The following RABL6 variants were observed in gnomAD, a reference collection of about 807,000 sequenced individuals.
RABL6 encodes rab-like protein 6.
In RABL6, 28 loss-of-function variants were observed where a neutral mutation model predicts 72.9. The ratio of observed to expected loss-of-function variants is 0.38; its 90% confidence interval spans 0.28 to 0.53. The LOEUF is 0.53. Among genes scored for constraint, RABL6 ranks in the 20% least tolerant of loss-of-function variants. RABL6 has a pLI of 0.80. For synonymous variants in RABL6, 477 were observed against 421.2 expected, an observed-to-expected ratio of 1.13 and a Z score of -1.62; for missense variants, 1,029 against 1,008.4, an observed-to-expected ratio of 1.02 and a Z score of -0.28.
intron 1 of RABL6, among the ~76,000 whole-genome samples, chr9:136,810,225 C>T (rs1288522679): frequency 6.6e-6 from 1 of 152,146 alleles, no homozygotes; most frequent in Non-Finnish European, 1.5e-5. Flanking sequence ...AAACTGTTCA[C>T]CTTCTGAAAA....
chr9:136,834,347 G>A lies in RABL6; in HGVS notation c.706-1395G>A, dbSNP rs74767748. The A allele has an allele frequency of 3.6e-3, 3,567 of 999,330 alleles. 79 individuals are homozygous for A. In the South Asian group the frequency reaches 0.047, roughly 13 times the overall value. 61.9% of individuals were successfully genotyped at this position (999,330 alleles called of 1,614,324 possible). The stretch of plus-strand genomic sequence containing the variant: ...ATAAAATTCCCAAAGAGTTCTTCCA[G>A]TCGTCAGATATTTGGTCAGTATTCA... On this transcript the variant is annotated intron_variant, in intron 7 of 14. Transcript: ENST00000311502.
chr9:136,828,403 G>A, intron 3 of RABL6, 91 bp from the exon 4 acceptor site: 1 of 1,331,032 alleles, frequency 7.5e-7, no homozygotes, highest in Non-Finnish European at 1.1e-6. Context: ...CGCTGGAGCT[G>A]GGGGCTGAGT....
intron 7 of RABL6, chr9:136,834,045 G>A (rs1426563414): frequency 2.7e-6 from 4 of 1,458,748 alleles, no homozygotes; most frequent in Non-Finnish European, 3.6e-6. Flanking sequence ...GTAGGGCTGA[G>A]CTGTGTGTGA....
intron 1 of RABL6, chr9:136,815,456 A>C (rs1588348516): frequency 3.8e-6 from 1 of 265,972 alleles, no homozygotes; most frequent in South Asian, 4.5e-5. Flanking sequence ...CCTCATCTTC[A>C]CTTCCTCCTT....
intron 1 of RABL6, chr9:136,822,147 CGGG>C: frequency 8.3e-7 from 1 of 1,210,962 alleles, no homozygotes. Flanking sequence ...GCTTCGAGGC[CGGG>C]CGCCCTCTGC....
intron 1 of RABL6, among the ~76,000 whole-genome samples, chr9:136,811,750 C>T (rs1203484070): frequency 6.6e-6 from 1 of 152,168 alleles, no homozygotes; most frequent in African/African-American, 2.4e-5. Flanking sequence ...CCTTGGCCTC[C>T]CAAAGTGCTG....
In RABL6 at chr9:136,840,457, G is replaced by T; in HGVS notation, c.2125G>T (p.Ala709Ser). 6.5e-7 allele frequency: 1 copy of T among 1,541,234 alleles called. No homozygotes were observed. Among genetic ancestry groups the T allele is most frequent in the Non-Finnish European group, 8.7e-7 (1 of 1,143,688 alleles). The stretch of plus-strand genomic sequence containing the variant: ...GAGGACGGCTGCCGATGAGCTGGAG[G>T]CTTTCCTGGGGGGCGGGGCCCCGGG... Reference protein sequence around the residue: ...RERTAADELEAFLGGGAPGGR... With the variant: ...RERTAADELESFLGGGAPGGR... The change falls in exon 15 of 15, where the codon GCT becomes TCT. Residue 709 changes from alanine (A) to serine (S), a missense_variant. Ala to Ser is a moderately conservative substitution (Grantham distance 99). This residue lies in a region of RABL6 where 595 missense variants were observed against 472.4 expected (regional missense o/e 1.26). Transcript: ENST00000311502.
rs748117854 is a variant in RABL6, at chr9:136,839,706, G to A, written c.1771G>A (p.Val591Met). 73 of 1,586,998 alleles carry A rather than the reference G, an allele frequency of 4.6e-5. No homozygotes were observed. Among genetic ancestry groups the A allele is most frequent in the East Asian group, 1.3e-4 (6 of 44,488 alleles). The change falls in exon 13 of 15, where the codon GTG (valine) becomes ATG (methionine). Residue 591 changes from valine to methionine, a missense_variant. Around this residue, in one of 2 missense-constraint regions of RABL6, gnomAD observed 595 missense variants for 472.4 expected, o/e 1.26. Coordinates refer to ENST00000311502, the MANE Select transcript of RABL6 (RefSeq NM_024718.5). ...DTQRRADDFP[V>M]RDDPSDVTDE... ...CTCCCTGCTCCAGGATGACTTTCCCGTGCGAGATGACCCCTCCGATGTGAC... is the reference window on the plus strand; with the variant it reads ...CTCCCTGCTCCAGGATGACTTTCCCATGCGAGATGACCCCTCCGATGTGAC...
intron 5 of RABL6, among the ~76,000 whole-genome samples, chr9:136,830,254 C>T (rs1213385214): frequency 1.3e-5 from 2 of 152,228 alleles, no homozygotes; most frequent in African/African-American, 4.8e-5. Flanking sequence ...CAGGGTTAAG[C>T]GTACCGCCTG....
intron 7 of RABL6, chr9:136,835,224 G>C (rs1277441831): frequency 6.6e-6 from 1 of 152,340 alleles, no homozygotes; most frequent in African/African-American, 2.4e-5. Context: ...TATTTCATTT[G>C]AATCTAAAGT....
chr9:136,835,888 G>T, intron 8 of RABL6, 43 bp downstream of exon 8: 1 of 1,525,594 alleles, frequency 6.6e-7, no homozygotes, highest in Non-Finnish European at 8.9e-7. Flanking sequence ...TGGGGGCTGC[G>T]GGCGTGGCCG....
chr9:136,840,293 C>T, intron 14 of RABL6, 29 bp from the exon 15 acceptor site: 2 of 1,606,474 alleles, frequency 1.2e-6, no homozygotes, highest in Non-Finnish European at 1.7e-6. Context: ...TCCTGTGACT[C>T]CATGGCGCCC....
intron 1 of RABL6, among the ~76,000 whole-genome samples, chr9:136,816,249 T>G (rs558968233): frequency 6.6e-6 from 1 of 152,016 alleles, no homozygotes; most frequent in African/African-American, 2.4e-5. Context: ...GGACTACAGG[T>G]GCACGCCACC....
rs759347329 is a variant in RABL6 at position 136,835,827 on chromosome 9, A to C, written c.791A>C (p.Glu264Ala). ...LEELSVQQET[E>A]DQNYGIFLEM... The stretch of plus-strand genomic sequence containing the variant: ...GAGCTGTCGGTGCAGCAGGAGACGG[A>C]GGACCAGAACTACGGCATGTATGTG... The change falls in exon 8 of 15, where the codon GAG becomes GCG. Residue 264 changes from glutamate (E) to alanine (A), a missense_variant. By Grantham distance (107) the Glu-to-Ala change is moderately radical (BLOSUM62 -1). Coordinates refer to ENST00000311502, the MANE Select transcript of RABL6 (RefSeq NM_024718.5). 9.6e-6 allele frequency: 15 copies of C among 1,554,942 alleles called. No individual in the cohort carries two copies. The South Asian group carries it at 1.7e-4, about 17-fold the overall frequency.
intron 1 of RABL6, 84 bp from the exon 2 acceptor site, chr9:136,823,441 G>A (rs1046372407): frequency 2.0e-5 from 30 of 1,536,942 alleles, no homozygotes; most frequent in African/African-American, 4.1e-5. Flanking sequence ...CAGCAGAACC[G>A]GCTCTCCTTG....
At chr9:136,812,115 C>G (rs1050443895) in intron 1 of RABL6, among the ~76,000 whole-genome samples, 3 of 152,194 alleles carry the variant, frequency 2.0e-5, no homozygotes, top group Non-Finnish European at 4.4e-5. Flanking sequence ...TCTACTGTGA[C>G]TGGACACAAA....
rs1332432731 is a variant in RABL6, at chr9:136,807,993, G to A, written c.-204G>A. 2.0e-6 allele frequency: 2 copies of A among 1,012,192 alleles called. No homozygotes were observed. Among genetic ancestry groups the A allele is most frequent in the Non-Finnish European group, 2.4e-6 (2 of 848,988 alleles). 62.7% of individuals were successfully genotyped at this position (1,012,192 alleles called of 1,614,324 possible). The stretch of plus-strand genomic sequence containing the variant: ...GGAGAGCGGTCGCGCCGGAGGCCGC[G>A]GGGGCCGGAGCGGAGCAGCCGCGGC... On this transcript the variant is annotated 5_prime_UTR_variant, in exon 1 of 15. Coordinates refer to ENST00000311502, the MANE Select transcript of RABL6 (RefSeq NM_024718.5).
At chr9:136,822,854 C>T (rs1050102069) in intron 1 of RABL6, among the ~76,000 whole-genome samples, 19 of 152,126 alleles carry the variant, frequency 1.2e-4, no homozygotes, top group Admixed American at 2.6e-4. Context: ...TTTGGGAGGC[C>T]AAGGCGGGCG....
chr9:136,819,725 C>G lies in RABL6; in HGVS notation c.131-3800C>G, dbSNP rs185144997. On this transcript the variant is annotated intron_variant, in intron 1 of 14. Transcript: ENST00000311502. ...GAAATGTGAAGGGTTACCGCAGGCTCAGAGAAAGTCTCTGGACCTGAAGGC... is the reference window on the plus strand; with the variant it reads ...GAAATGTGAAGGGTTACCGCAGGCTGAGAGAAAGTCTCTGGACCTGAAGGC... 2.6e-5 allele frequency among the ~76,000 whole-genome samples: 4 copies of G among 152,244 alleles called. No homozygotes were observed. The East Asian group carries it at 7.7e-4, about 29-fold the overall frequency.
Sources: allele counts gnomAD v4.1 joint callset (sites outside exome capture counted in the v4.1 genomes callset), GRCh38; gene constraint gnomAD v4.1.1; regional missense constraint gnomAD v4.1.1; transcripts MANE v1.5; gene names NCBI Gene and HGNC (gene_info 2026-07-23, HGNC 2026-07-21).